Variants in FHIT observed in about 807,000 individuals in gnomAD.
FHIT encodes bis(5'-adenosyl)-triphosphatase.
In FHIT, 19 loss-of-function variants were observed where a neutral mutation model predicts 17.9. The ratio of observed to expected loss-of-function variants is 1.06; its 90% CI spans 0.74 to 1.56. The LOEUF (loss-of-function observed/expected upper bound fraction) is 1.56, where lower values mean the gene tolerates loss of function less well. FHIT is among the 40% of genes most tolerant of loss of function. FHIT has a pLI of 0.00. For synonymous variants in FHIT, 81 were observed against 69.7 expected, an observed-to-expected ratio of 1.16 and a Z score of -0.81; for missense variants, 248 against 189.2, an observed-to-expected ratio of 1.31 and a Z score of -1.82.
At chr3:60,824,721 C>G (rs1553740431) in intron 3 of FHIT, among the ~76,000 whole-genome samples, 1 of 152,116 alleles carries the variant, frequency 6.6e-6, no homozygotes, top group Non-Finnish European at 1.5e-5. Context: ...ATGCTGTTCT[C>G]ATGAGAGTGA....
chr3:59,933,533 A>C (rs1490090282), intron 7 of FHIT, among the ~76,000 whole-genome samples: 4 of 152,136 alleles, frequency 2.6e-5, no homozygotes, highest in African/African-American at 4.8e-5. Flanking sequence ...CAAGCTCACC[A>C]AGCTGGCAAA....
intron 4 of FHIT, among the ~76,000 whole-genome samples, chr3:60,707,514 C>A (rs1305942610): frequency 1.3e-5 from 2 of 152,140 alleles, no homozygotes; most frequent in East Asian, 1.9e-4. Context: ...GCCCAAATCA[C>A]TTCCCTAGGC....
chr3:59,781,349 TGTGAG>T (rs1702574446), intron 8 of FHIT, among the ~76,000 whole-genome samples: 1 of 152,242 alleles, frequency 6.6e-6, no homozygotes, highest in Non-Finnish European at 1.5e-5. Flanking sequence ...CAAAGTGCAC[TGTGAG>T]GTGAGTGCCT....
At chr3:60,573,331 C>T (rs1400802462) in intron 4 of FHIT, among the ~76,000 whole-genome samples, 1 of 152,168 alleles carries the variant, frequency 6.6e-6, no homozygotes. Context: ...TGCAGAAGCA[C>T]CCATCTCCTT....
chr3:61,214,822 C>T (rs150721963), intron 1 of FHIT, among the ~76,000 whole-genome samples: 17,239 of 152,220 alleles, frequency 0.11, 1,115 homozygotes, highest in South Asian at 0.21. Flanking sequence ...ATCAAGTGGG[C>T]TTCATCCCTG....
In FHIT at chr3:59,859,099, C is replaced by G. The variant is rs945365826; in HGVS notation, c.348+63247G>C. ...AGAAGTGGCTGATTCCAAGGCTGGA[C>G]AGGGACAGTATAAGATGATCCTGGA... On this transcript the variant is annotated intron_variant, in intron 8 of 9. Coordinates refer to ENST00000492590, the MANE Select transcript of FHIT (RefSeq NM_002012.4). Among the ~76,000 whole-genome samples, 9 of 152,228 alleles carry G rather than the reference C, an allele frequency of 5.9e-5. No individual in the cohort carries two copies. In the East Asian group the frequency reaches 1.7e-3, roughly 29 times the overall value.
chr3:60,159,874 A>G (rs1195913808), intron 5 of FHIT, among the ~76,000 whole-genome samples: 1 of 152,146 alleles, frequency 6.6e-6, no homozygotes, highest in Admixed American at 6.5e-5. Flanking sequence ...CTCACACTCA[A>G]CAGCGGCTCC....
intron 5 of FHIT, among the ~76,000 whole-genome samples, chr3:60,401,946 C>T (rs540161389): frequency 2.6e-4 from 40 of 152,182 alleles, no homozygotes; most frequent in Admixed American, 7.9e-4. Context: ...TCATTTCATG[C>T]GTAATTAGAA....
intron 1 of FHIT, among the ~76,000 whole-genome samples, chr3:61,213,983 A>G (rs1443368209): frequency 6.6e-6 from 1 of 152,198 alleles, no homozygotes; most frequent in African/African-American, 2.4e-5. Flanking sequence ...AACATACCAG[A>G]ATCTCTGGGA....
intron 5 of FHIT, among the ~76,000 whole-genome samples, chr3:60,317,609 A>C (rs1378564605): frequency 7.0e-6 from 1 of 142,792 alleles, no homozygotes; most frequent in Non-Finnish European, 1.5e-5. Context: ...TATAATATGT[A>C]ATTATATATG....
chr3:59,791,356 C>T (rs889429292), intron 8 of FHIT, among the ~76,000 whole-genome samples: 1 of 152,146 alleles, frequency 6.6e-6, no homozygotes, highest in African/African-American at 2.4e-5. Flanking sequence ...AATCTTTCTA[C>T]CATAAGCTAG....
At chr3:60,176,924 G>A (rs957240637) in intron 5 of FHIT, among the ~76,000 whole-genome samples, 1 of 152,044 alleles carries the variant, frequency 6.6e-6, no homozygotes, top group Non-Finnish European at 1.5e-5. Flanking sequence ...AAAGGATCAT[G>A]GAAAGAAACC....
chr3:60,288,302 G>A (rs962784398), intron 5 of FHIT, among the ~76,000 whole-genome samples: 3 of 152,110 alleles, frequency 2.0e-5, no homozygotes, highest in African/African-American at 7.2e-5. Context: ...TGGTCAAAGA[G>A]ATAACATAAT....
chr3:60,609,473 G>A (rs1403724406), intron 4 of FHIT, among the ~76,000 whole-genome samples: 1 of 151,934 alleles, frequency 6.6e-6, no homozygotes, highest in Non-Finnish European at 1.5e-5. Flanking sequence ...TTACAGGTGT[G>A]TGCCACCACA....
At chr3:60,484,533 G>T (rs966745147) in intron 5 of FHIT, among the ~76,000 whole-genome samples, 1 of 152,134 alleles carries the variant, frequency 6.6e-6, no homozygotes, top group African/African-American at 2.4e-5. Flanking sequence ...ATAACCATCT[G>T]ATCTTCAACA....
intron 5 of FHIT, among the ~76,000 whole-genome samples, chr3:60,210,836 T>G (rs1703416784): frequency 6.6e-6 from 1 of 152,036 alleles, no homozygotes; most frequent in Admixed American, 6.6e-5. Context: ...TGGATAAGTG[T>G]TCATCAATAC....
chr3:61,217,123 AC>A lies in FHIT; in HGVS notation c.-212-16459del, dbSNP rs1297998287. Among the ~76,000 whole-genome samples the A allele has an allele frequency of 2.6e-5, 4 of 152,156 alleles. No homozygotes were observed. In the East Asian group the frequency reaches 7.7e-4, roughly 29 times the overall value. On this transcript the variant is annotated intron_variant, in intron 1 of 9. Coordinates refer to ENST00000492590, the MANE Select transcript of FHIT (RefSeq NM_002012.4). ...ACTAACCTGCACGTTGTGCACATGT[AC>A]CCTAAAACTTAAAGTATAATAATAA...
intron 3 of FHIT, among the ~76,000 whole-genome samples, chr3:60,924,208 T>C (rs1458024959): frequency 6.6e-6 from 1 of 151,824 alleles, no homozygotes. Flanking sequence ...TTGAAGAGAG[T>C]AGTGATTCTC....
intron 5 of FHIT, among the ~76,000 whole-genome samples, chr3:60,144,748 A>T (rs1316501777): frequency 1.3e-5 from 2 of 152,138 alleles, no homozygotes; most frequent in Non-Finnish European, 2.9e-5. Flanking sequence ...AACCTTCAAT[A>T]GCCTCTTTTC....
Sources: allele counts gnomAD v4.1 joint callset (sites outside exome capture counted in the v4.1 genomes callset), GRCh38; gene constraint gnomAD v4.1.1; transcripts MANE v1.5; gene names NCBI Gene and HGNC (gene_info 2026-07-23, HGNC 2026-07-21).